The following MYO7A variants were observed in gnomAD, a reference collection of about 807,000 sequenced individuals.
MYO7A encodes the protein unconventional myosin-VIIa.
In MYO7A, 210 loss-of-function variants were observed where a neutral mutation model predicts 263.8. The ratio of observed to expected loss-of-function variants is 0.80; its 90% CI spans 0.71 to 0.89. The LOEUF (loss-of-function observed/expected upper bound fraction) is 0.89. Among genes scored for constraint, MYO7A ranks in the 40% least tolerant of loss-of-function variants. The probability of loss-of-function intolerance (pLI) is 0.00; values close to 1 mark genes in which losing one functional copy is unlikely to be tolerated. For synonymous variants in MYO7A, 1,239 were observed against 1,197.3 expected (o/e 1.03, Z -0.72); for missense variants, 2,820 against 2,968.3 (o/e 0.95, Z 1.16).
chr11:77,135,430 T>C (rs1950879422), intron 2 of MYO7A, among the ~76,000 whole-genome samples: 2 of 152,234 alleles, frequency 1.3e-5, no homozygotes, highest in African/African-American at 4.8e-5. Context: ...AGTAACGTTT[T>C]ATTGTATGTT....
At chr11:77,166,838 C>T (rs1237056528) in intron 15 of MYO7A, among the ~76,000 whole-genome samples, 1 of 152,224 alleles carries the variant, frequency 6.6e-6, no homozygotes, top group Non-Finnish European at 1.5e-5. Flanking sequence ...CCCTGAGGGT[C>T]CCCCTCTCTC....
In MYO7A at chr11:77,175,390, T is replaced by G. The variant is rs782468548; in HGVS notation, c.2113T>G (p.Cys705Gly). Residue 705 changes from cysteine to glycine, a missense_variant, in exon 18 of 49, where the codon TGC (cysteine) becomes GGC (glycine). By Grantham distance (159) the Cys-to-Gly change is radical. Coordinates refer to ENST00000409709, the MANE Select transcript of MYO7A (RefSeq NM_000260.4). ...ACTCCAGGGCGACCTCCGCGGGACT[T>G]GCCAGCGCATGGCTGAGGCTGTGCT... The part of the protein sequence containing the change: ...AYKQGDLRGT[C>G]QRMAEAVLGT... The G allele has an allele frequency of 2.0e-5, 32 of 1,613,180 alleles. No homozygotes were observed. Among genetic ancestry groups the G allele is most frequent in the African/African-American group, 2.7e-5 (2 of 74,928 alleles).
At position 77,157,300 on chromosome 11, in the gene MYO7A, C is replaced by G; in HGVS notation, c.757C>G (p.His253Asp). 1 of 1,611,320 alleles carries G rather than the reference C, an allele frequency of 6.2e-7. No individual in the cohort carries two copies. The highest frequency in any genetic ancestry group is 8.5e-7 in the Non-Finnish European group (1 of 1,178,770). The change falls in exon 8 of 49, where the codon CAC becomes GAC. Residue 253 changes from histidine to aspartate, a missense_variant. Transcript: ENST00000409709. Reference protein sequence around the residue: ...CRQALDERNYHVFYCMLEGMS... With the variant: ...CRQALDERNYDVFYCMLEGMS... ...TCAGGCCCTGGATGAAAGGAACTAC[C>G]ACGTGTTCTACTGCATGCTGGAGGG...
In MYO7A at chr11:77,199,397, G is replaced by A. The variant is rs553439229; in HGVS notation, c.4569-138G>A. 1.9e-5 allele frequency: 16 copies of A among 854,208 alleles called. No individual in the cohort carries two copies. The African/African-American group carries it at 2.2e-4, about 12-fold the overall frequency. The allele number at this position is 854,208 out of a possible 1,614,324, so 52.9% of individuals were successfully genotyped here. A position where few individuals can be genotyped will look rare whatever the true frequency, so the allele number is the denominator to read the frequency against. On this transcript the variant is annotated intron_variant, in intron 34 of 48. Coordinates refer to ENST00000409709, the MANE Select transcript of MYO7A (RefSeq NM_000260.4). ...AGACAGGCAAAGGAGAAGTAGGCCG[G>A]GCCACTGTGGGTCTCCCTCTGGGCC...
rs374576916 is a variant in MYO7A at position 77,204,105 on chromosome 11, T to A, written c.5356T>A (p.Ser1786Thr). 128 of 1,601,522 alleles carry A rather than the reference T, an allele frequency of 8.0e-5. 1 individual carries two copies. In the Middle Eastern group the frequency reaches 2.0e-3, roughly 25 times the overall value. The change falls in exon 39 of 49, where the codon TCC (serine) becomes ACC (threonine). Residue 1786 changes from serine (S) to threonine (T), a missense_variant. Ser to Thr is a moderately conservative substitution (Grantham distance 58). Coordinates refer to ENST00000409709, the MANE Select transcript of MYO7A (RefSeq NM_000260.4). Reference protein sequence around the residue: ...AVLKYMGDYPSKRTRSVNELT... With the variant: ...AVLKYMGDYPTKRTRSVNELT... ...GCTCAAGTACATGGGCGACTACCCGTCCAAGAGGACACGCTCCGTCAACGA... is the reference window on the plus strand; with the variant it reads ...GCTCAAGTACATGGGCGACTACCCGACCAAGAGGACACGCTCCGTCAACGA...
At chr11:77,141,453 A>T (rs1001834905) in intron 2 of MYO7A, among the ~76,000 whole-genome samples, 3 of 151,376 alleles carry the variant, frequency 2.0e-5, no homozygotes, top group African/African-American at 4.9e-5. Context: ...AAGTTGTTAC[A>T]TTTTTTTTTA....
At chr11:77,198,427 T>G (rs1218759540) in intron 33 of MYO7A, 68 bp from the exon 34 acceptor site, 1 of 1,584,716 alleles carries the variant, frequency 6.3e-7, no homozygotes, top group Non-Finnish European at 8.6e-7. Context: ...GCCTGGCCGT[T>G]ATGAGATTGA....
At position 77,190,152 on chromosome 11, in the gene MYO7A, G is replaced by GTA; in HGVS notation, c.3750+15_3750+16dup. Reference sequence around the variant, plus strand: ...GCTGGAGCTGCAGGTTCGTGCGTGTGTATGCACGTGCTCGTGTGCATGTGT... The same window carrying GTA: ...GCTGGAGCTGCAGGTTCGTGCGTGTGTATATGCACGTGCTCGTGTGCATGTGT... On this transcript the variant is annotated intron_variant, in intron 29 of 48. Transcript: ENST00000409709. 1 of 1,547,732 alleles carries GTA rather than the reference G, an allele frequency of 6.5e-7. No homozygotes were observed. The highest frequency in any genetic ancestry group is 1.2e-5 in the South Asian group (1 of 82,946).
chr11:77,165,466 C>T (rs1555071889), intron 14 of MYO7A, among the ~76,000 whole-genome samples: 1 of 152,172 alleles, frequency 6.6e-6, no homozygotes, highest in Admixed American at 6.5e-5. Flanking sequence ...TCCTTTGCAC[C>T]AGCGTCCTGG....
intron 4 of MYO7A, among the ~76,000 whole-genome samples, chr11:77,152,894 G>C (rs1307652131): frequency 6.6e-6 from 1 of 152,124 alleles, no homozygotes; most frequent in African/African-American, 2.4e-5. Flanking sequence ...CGTGTCCCTG[G>C]TCTGAGATGG....
chr11:77,207,122 C>A (rs1263242539), intron 41 of MYO7A, 167 bp from the exon 42 acceptor site: 6 of 553,252 alleles, frequency 1.1e-5, no homozygotes, highest in African/African-American at 1.9e-5. Flanking sequence ...AAGACCCAGA[C>A]AGGAGTAGCC....
At position 77,160,214 on chromosome 11, in the gene MYO7A, C is replaced by T. The variant is rs199818783; in HGVS notation, c.1132C>T (p.Arg378Cys). The change falls in exon 11 of 49, where the codon CGC becomes TGC. Residue 378 changes from arginine to cysteine, a missense_variant. Arg to Cys is a radical substitution (Grantham distance 180, BLOSUM62 -3). Transcript: ENST00000409709. The stretch of plus-strand genomic sequence containing the variant: ...CCTGACTAGCCGCACCCTCATCACC[C>T]GCGGGGAGACGGTGTCCACCCCACT... ...SCLTSRTLIT[R>C]GETVSTPLSR... The T allele has an allele frequency of 2.8e-4, 436 of 1,581,022 alleles. 1 individual carries two copies. The highest frequency in any genetic ancestry group is 2.9e-4 in the Non-Finnish European group (343 of 1,164,244).
chr11:77,158,477 A>C, intron 9 of MYO7A, 47 bp downstream of exon 9: 3 of 1,581,856 alleles, frequency 1.9e-6, no homozygotes, highest in Non-Finnish European at 2.6e-6. Context: ...CGCCAAGGGC[A>C]GTGCAGTGCC....
intron 17 of MYO7A, 84 bp downstream of exon 17, chr11:77,174,998 T>C: frequency 6.5e-7 from 1 of 1,539,676 alleles, no homozygotes; most frequent in Non-Finnish European, 8.8e-7. Flanking sequence ...ATCAGGACCA[T>C]GGGCGGGGCT....
At chr11:77,169,870 G>T (rs918551695) in intron 15 of MYO7A, among the ~76,000 whole-genome samples, 2 of 152,164 alleles carry the variant, frequency 1.3e-5, no homozygotes, top group East Asian at 1.9e-4. Flanking sequence ...GAGCTCAGGA[G>T]TTCAAGACCA....
intron 23 of MYO7A, 112 bp from the exon 24 acceptor site, chr11:77,181,839 C>T (rs1346412407): frequency 2.5e-6 from 2 of 810,720 alleles, no homozygotes; most frequent in African/African-American, 3.6e-5. Context: ...GGCTGGAGTG[C>T]AGTAGCGTGA....
intron 31 of MYO7A, among the ~76,000 whole-genome samples, chr11:77,193,686 A>T (rs565473140): frequency 6.6e-6 from 1 of 152,264 alleles, no homozygotes; most frequent in South Asian, 2.1e-4. Flanking sequence ...GTTGGAAAAT[A>T]TCTATTGCCT....
chr11:77,175,021 G>C, intron 17 of MYO7A, 107 bp downstream of exon 17: 1 of 1,398,026 alleles, frequency 7.2e-7, no homozygotes. Flanking sequence ...ACATCTGCTT[G>C]ACCTCTCAGG....
intron 45 of MYO7A, 130 bp from the exon 46 acceptor site, chr11:77,211,691 G>C: frequency 1.4e-6 from 1 of 692,632 alleles, no homozygotes; most frequent in Non-Finnish European, 2.5e-6. Context: ...CCTAGTCCTG[G>C]CCCTGAGGGT....
Sources: allele counts gnomAD v4.1 joint callset (sites outside exome capture counted in the v4.1 genomes callset), GRCh38; gene constraint gnomAD v4.1.1; transcripts MANE v1.5; gene names NCBI Gene and HGNC (gene_info 2026-07-23, HGNC 2026-07-21).